The following MLIP variants were observed in gnomAD, a reference collection of about 807,000 sequenced individuals.
MLIP encodes the protein muscular LMNA interacting protein.
MLIP carries 79 observed loss-of-function variants against 84.8 expected under a neutral mutation model. The observed-to-expected ratio is 0.93, with a 90% CI of 0.78 to 1.12. The LOEUF (loss-of-function observed/expected upper bound fraction) is 1.12, where lower values mean the gene tolerates loss of function less well. Among genes scored for constraint, MLIP ranks in the 50% most tolerant of loss-of-function variants. MLIP has a pLI of 0.00. For missense variants in MLIP, 1,257 were observed against 1,160.6 expected (o/e 1.08, Z -1.21); for synonymous variants, 504 against 463.0 (o/e 1.09, Z -1.14).
chr6:54,073,658 G>T (rs1161021149), intron 1 of MLIP, among the ~76,000 whole-genome samples: 2 of 152,180 alleles, frequency 1.3e-5, no homozygotes, highest in Admixed American at 6.5e-5. Context: ...TGAGGCCTGA[G>T]AATTTGCATT....
intron 11 of MLIP, among the ~76,000 whole-genome samples, chr6:54,208,042 G>A (rs961723590): frequency 2.7e-5 from 4 of 150,596 alleles, no homozygotes; most frequent in Non-Finnish European, 5.9e-5. Context: ...GCGGGAGAAT[G>A]GCGTGAACCC....
chr6:54,218,601 C>T (rs923610148), intron 11 of MLIP, among the ~76,000 whole-genome samples: 12 of 152,052 alleles, frequency 7.9e-5, no homozygotes, highest in African/African-American at 2.9e-4. Context: ...CTCACTGCAG[C>T]CTTCATCTTC....
rs917504600 is a variant in MLIP at position 54,137,491 on chromosome 6, G to C, written c.1422G>C (p.Gly474=). The C allele has an allele frequency of 9.8e-6, 15 of 1,536,008 alleles. No individual in the cohort carries two copies. The highest frequency in any genetic ancestry group is 2.0e-5 in the Admixed American group (1 of 50,986). The change falls in exon 4 of 14, where the codon GGG becomes GGC. Residue 474 remains glycine, a synonymous_variant. Transcript: ENST00000502396. The part of the protein sequence containing the change: ...KSLSSCSLRA[G]SPDQGELQVS... ...TCTCAAGTTGTTCCCTGAGAGCCGG[G>C]TCACCAGATCAAGGGGAACTCCAGG...
At chr6:54,025,651 C>T (rs991185986) in intron 1 of MLIP, among the ~76,000 whole-genome samples, 2 of 152,126 alleles carry the variant, frequency 1.3e-5, no homozygotes, top group African/African-American at 4.8e-5. Context: ...TTGGATTCAA[C>T]TGATAAAGTT....
chr6:54,129,657 C>T (rs1484488092), intron 3 of MLIP, among the ~76,000 whole-genome samples: 3 of 152,094 alleles, frequency 2.0e-5, no homozygotes, highest in Non-Finnish European at 2.9e-5. Flanking sequence ...GGAGGTTAAA[C>T]GTTCATGTTG....
At chr6:54,019,180 C>A in intron 1 of MLIP, 1 of 1,360,308 alleles carries the variant, frequency 7.4e-7, no homozygotes, top group Non-Finnish European at 1.0e-6. Context: ...GTTGTGCTAG[C>A]CGGCCTCTGT....
At chr6:54,234,684 G>A (rs1330968142) in intron 12 of MLIP, among the ~76,000 whole-genome samples, 2 of 152,164 alleles carry the variant, frequency 1.3e-5, no homozygotes, top group East Asian at 3.9e-4. Flanking sequence ...AAATTGCTCT[G>A]TCAAGGGTAA....
intron 12 of MLIP, among the ~76,000 whole-genome samples, chr6:54,252,637 C>A (rs1278685109): frequency 6.6e-6 from 1 of 150,914 alleles, no homozygotes; most frequent in African/African-American, 2.4e-5. Context: ...CTGGCCTCCT[C>A]ATAGGAGTGG....
At chr6:54,247,922 T>C (rs1782199755) in intron 12 of MLIP, among the ~76,000 whole-genome samples, 1 of 152,108 alleles carries the variant, frequency 6.6e-6, no homozygotes, top group African/African-American at 2.4e-5. Context: ...TTTTCTTAAA[T>C]ACTCTTCCAA....
At chr6:54,106,863 T>C (rs759850764), upstream of MLIP, among the ~76,000 whole-genome samples, 7 of 152,210 alleles carry the variant, frequency 4.6e-5, no homozygotes, top group Non-Finnish European at 1.0e-4. Flanking sequence ...CATTGGCTTA[T>C]AAATGTTATT....
chr6:54,152,658 G>T (rs1330536588), intron 5 of MLIP, among the ~76,000 whole-genome samples: 1 of 152,006 alleles, frequency 6.6e-6, no homozygotes, highest in African/African-American at 2.4e-5. Flanking sequence ...ATTTGGGAGG[G>T]GTCACAGCCA....
chr6:54,021,460 G>A (rs1432466605), intron 1 of MLIP, among the ~76,000 whole-genome samples: 1 of 152,030 alleles, frequency 6.6e-6, no homozygotes, highest in Admixed American at 6.6e-5. Flanking sequence ...AATTTCTAAG[G>A]TAAGATCTAT....
intron 4 of MLIP, among the ~76,000 whole-genome samples, chr6:54,139,419 T>G (rs1451235463): frequency 6.6e-6 from 1 of 152,088 alleles, no homozygotes; most frequent in African/African-American, 2.4e-5. Flanking sequence ...TTTAACTTAA[T>G]GAAGAGGAAA....
chr6:54,266,031 C>A lies in MLIP; in HGVS notation c.*76C>A. 1 of 1,209,846 alleles carries A rather than the reference C, an allele frequency of 8.3e-7. No individual in the cohort carries two copies. The highest frequency in any genetic ancestry group is 1.2e-6 in the Non-Finnish European group (1 of 864,882). The allele number at this position is 1,209,846 out of a possible 1,614,324, so 74.9% of individuals were successfully genotyped here. A position where few individuals can be genotyped will look rare whatever the true frequency, so the allele number is the denominator to read the frequency against. On this transcript the variant is annotated 3_prime_UTR_variant, in exon 14 of 14. Transcript: ENST00000502396. ...GGTGCTAACCACTTGCTAGATTTAA[C>A]TTTTTTTTTTTTTTCCAGAATGAGT...
At position 54,137,630 on chromosome 6, in the gene MLIP, A is replaced by G. The variant is rs145626967; in HGVS notation, c.1561A>G (p.Met521Val). The G allele has an allele frequency of 3.3e-5, 51 of 1,536,086 alleles. No individual in the cohort carries two copies. Among genetic ancestry groups the G allele is most frequent in the East Asian group, 9.8e-5 (4 of 40,904 alleles). ...TKQASSSLASMNVERTPSPTL... is the reference protein window; with the variant it reads ...TKQASSSLASVNVERTPSPTL... ...ACAGGCTAGTAGCAGCCTTGCTTCC[A>G]TGAATGTAGAGAGAACACCATCACC... The change falls in exon 4 of 14, where the codon ATG becomes GTG. Residue 521 changes from methionine (M) to valine (V), a missense_variant. Met to Val is a conservative substitution (Grantham distance 21). Coordinates refer to ENST00000502396, the MANE Select transcript of MLIP (RefSeq NM_001281747.2).
intron 11 of MLIP, among the ~76,000 whole-genome samples, chr6:54,212,514 T>C (rs1779529509): frequency 1.3e-5 from 2 of 152,176 alleles, no homozygotes; most frequent in Admixed American, 6.5e-5. Context: ...CTCTACAGGG[T>C]TTACTATGAT....
At chr6:54,083,428 A>G in intron 1 of MLIP, 1 of 1,491,586 alleles carries the variant, frequency 6.7e-7, no homozygotes, top group South Asian at 1.3e-5. Context: ...AGGAGGGCAT[A>G]ATTTGTACAG....
intron 3 of MLIP, among the ~76,000 whole-genome samples, chr6:54,126,319 T>C (rs1582211126): frequency 1.3e-5 from 2 of 152,228 alleles, no homozygotes; most frequent in African/African-American, 4.8e-5. Flanking sequence ...GAATTGGCCA[T>C]TTATTTTTAT....
At chr6:54,165,331 TC>T (rs1316900081) in intron 8 of MLIP, among the ~76,000 whole-genome samples, 4 of 151,866 alleles carry the variant, frequency 2.6e-5, no homozygotes, top group African/African-American at 9.7e-5. Context: ...CCAATAGCTG[TC>T]CCAGTCGTCA....
Sources: allele counts gnomAD v4.1 joint callset (sites outside exome capture counted in the v4.1 genomes callset), GRCh38; gene constraint gnomAD v4.1.1; transcripts MANE v1.5; gene names NCBI Gene and HGNC (gene_info 2026-07-23, HGNC 2026-07-21).